TBC1D22B: variants seen among roughly 807,000 people sequenced by gnomAD.
The protein encoded by TBC1D22B is TBC1 domain family member 22B.
TBC1D22B carries 32 observed loss-of-function variants against 69.1 expected under a neutral mutation model. The observed-to-expected ratio is 0.46, with a 90% CI of 0.35 to 0.62. TBC1D22B has a LOEUF of 0.62. Ranked by LOEUF, TBC1D22B falls within the 20% of genes least tolerant of loss-of-function variation. The probability of loss-of-function intolerance (pLI) is 0.00; values close to 1 mark genes in which losing one functional copy is unlikely to be tolerated. For missense variants in TBC1D22B, 462 were observed against 630.9 expected (o/e 0.73, Z 2.87); for synonymous variants, 206 against 229.8 (o/e 0.90, Z 0.94).
chr6:37,322,047 A>G (rs1295741840), intron 12 of TBC1D22B, among the ~76,000 whole-genome samples: 1 of 152,146 alleles, frequency 6.6e-6, no homozygotes, highest in African/African-American at 2.4e-5. Context: ...TTTTCTACCC[A>G]TTTTGATGTG....
chr6:37,303,595 A>G (rs1255858071), intron 8 of TBC1D22B, among the ~76,000 whole-genome samples: 2 of 152,132 alleles, frequency 1.3e-5, no homozygotes, highest in Non-Finnish European at 2.9e-5. Context: ...TCTGACAAAA[A>G]TCCTTCCTTA....
intron 1 of TBC1D22B, among the ~76,000 whole-genome samples, chr6:37,260,270 A>G (rs543174534): frequency 6.6e-6 from 1 of 152,322 alleles, no homozygotes; most frequent in South Asian, 2.1e-4. Flanking sequence ...AATGACACAA[A>G]TGACTCTACT....
intron 8 of TBC1D22B, chr6:37,295,694 G>A: frequency 2.6e-6 from 1 of 382,694 alleles, no homozygotes; most frequent in South Asian, 2.4e-5. Context: ...TTAATTCCTG[G>A]CTCCTCTCCA....
At chr6:37,313,421 T>C (rs1176875569) in intron 9 of TBC1D22B, among the ~76,000 whole-genome samples, 1 of 151,030 alleles carries the variant, frequency 6.6e-6, no homozygotes, top group Non-Finnish European at 1.5e-5. Context: ...GCCTAGGAGG[T>C]CAAAGCTGTA....
chr6:37,269,783 G>A (rs1766423780), intron 2 of TBC1D22B, 133 bp downstream of exon 2: 10 of 770,812 alleles, frequency 1.3e-5, no homozygotes, highest in South Asian at 1.2e-4. Context: ...CAGGAGATGA[G>A]CAATGTTCTT....
intron 2 of TBC1D22B, among the ~76,000 whole-genome samples, chr6:37,272,502 A>C (rs1766521901): frequency 1.3e-5 from 2 of 148,802 alleles, no homozygotes; most frequent in East Asian, 2.0e-4. Flanking sequence ...CTCACCCCCA[A>C]CTTCACCCCA....
chr6:37,304,151 C>T (rs1424311043), intron 8 of TBC1D22B, among the ~76,000 whole-genome samples: 2 of 152,186 alleles, frequency 1.3e-5, no homozygotes, highest in Non-Finnish European at 2.9e-5. Context: ...GCCGAAAGTT[C>T]TCTCTCCCCT....
intron 5 of TBC1D22B, among the ~76,000 whole-genome samples, chr6:37,283,646 CT>C (rs1366408475): frequency 6.6e-6 from 1 of 152,222 alleles, no homozygotes; most frequent in Non-Finnish European, 1.5e-5. Context: ...CAATCATTGC[CT>C]CTGCCACTTC....
chr6:37,323,939 T>C (rs1768322948), intron 12 of TBC1D22B, among the ~76,000 whole-genome samples: 1 of 152,236 alleles, frequency 6.6e-6, no homozygotes, highest in Admixed American at 6.5e-5. Context: ...GAGGAAACTT[T>C]GCCAAATTCC....
chr6:37,309,059 C>T (rs1767823922), intron 8 of TBC1D22B, among the ~76,000 whole-genome samples: 1 of 152,100 alleles, frequency 6.6e-6, no homozygotes, highest in African/African-American at 2.4e-5. Context: ...TTACTTTATG[C>T]CAGGCACTGT....
At chr6:37,272,796 G>T (rs1186706735) in intron 2 of TBC1D22B, among the ~76,000 whole-genome samples, 1 of 152,208 alleles carries the variant, frequency 6.6e-6, no homozygotes, top group African/African-American at 2.4e-5. Context: ...TTTCTGGTCT[G>T]TTGGCCAGTG....
At chr6:37,259,176 A>G (rs1254217800) in intron 1 of TBC1D22B, among the ~76,000 whole-genome samples, 1 of 152,178 alleles carries the variant, frequency 6.6e-6, no homozygotes, top group Non-Finnish European at 1.5e-5. Context: ...TATTTTATTA[A>G]GGATTCTAGT....
intron 2 of TBC1D22B, among the ~76,000 whole-genome samples, chr6:37,271,614 A>G (rs561990106): frequency 6.6e-6 from 1 of 152,340 alleles, no homozygotes; most frequent in Non-Finnish European, 1.5e-5. Context: ...GGTTTTTTAA[A>G]AAAGAGAAGA....
At chr6:37,296,451 T>G (rs545525419) in intron 8 of TBC1D22B, among the ~76,000 whole-genome samples, 46 of 152,116 alleles carry the variant, frequency 3.0e-4, no homozygotes, top group Admixed American at 2.1e-3. Context: ...CTGGCTCAAG[T>G]GATCCTCTCA....
chr6:37,282,116 A>G (rs2113739253), intron 3 of TBC1D22B, 69 bp from the exon 4 acceptor site: 1 of 1,538,588 alleles, frequency 6.5e-7, no homozygotes, highest in Non-Finnish European at 9.0e-7. Context: ...CTGAACGGTT[A>G]GGTTTAAGGC....
chr6:37,267,371 TAC>T (rs1562039537), intron 1 of TBC1D22B, among the ~76,000 whole-genome samples: 47 of 83,666 alleles, frequency 5.6e-4, no homozygotes, highest in Admixed American at 1.7e-3. Flanking sequence ...ATAATATATA[TAC>T]ACACATATAT....
At chr6:37,273,375 A>G (rs929280874) in intron 2 of TBC1D22B, among the ~76,000 whole-genome samples, 3 of 152,164 alleles carry the variant, frequency 2.0e-5, no homozygotes, top group Non-Finnish European at 4.4e-5. Context: ...TGGCTAACCT[A>G]TAAAGCTGTT....
intron 2 of TBC1D22B, among the ~76,000 whole-genome samples, chr6:37,273,528 A>G (rs1461206999): frequency 6.6e-6 from 1 of 152,226 alleles, no homozygotes; most frequent in East Asian, 1.9e-4. Flanking sequence ...CCATATCCCA[A>G]ACTGCCAAGG....
At chr6:37,327,714 ACTGGT>A (rs1485187027) in intron 12 of TBC1D22B, among the ~76,000 whole-genome samples, 1 of 152,058 alleles carries the variant, frequency 6.6e-6, no homozygotes, top group East Asian at 1.9e-4. Context: ...TGGTTGAATA[ACTGGT>A]CTGGTTGAGT....
Sources: gnomAD v4.1 joint callset for allele counts (sites outside exome capture counted in the v4.1 genomes callset) on GRCh38, gnomAD v4.1.1 for gene constraint, MANE v1.5 for transcripts, NCBI Gene and HGNC (gene_info 2026-07-23, HGNC 2026-07-21) for gene names.